Variants in SLC8A3 observed in about 807,000 individuals in gnomAD.
SLC8A3 encodes the protein sodium/calcium exchanger 3.
Under a neutral mutation model 65.4 loss-of-function variants are expected in SLC8A3, and 37 were observed. The ratio of observed to expected loss-of-function variants is 0.57; its 90% CI spans 0.44 to 0.74. SLC8A3 has a LOEUF of 0.74. SLC8A3 is among the 30% of genes least tolerant of loss of function. The pLI, the probability that SLC8A3 is intolerant of heterozygous loss-of-function variation, is 0.00. For missense variants in SLC8A3, 1,112 were observed against 1,172.1 expected (o/e 0.95, Z 0.75); for synonymous variants, 461 against 444.5 (o/e 1.04, Z -0.47).
chr14:70,095,114 G>A (rs763838821), intron 2 of SLC8A3, among the ~76,000 whole-genome samples: 7 of 152,218 alleles, frequency 4.6e-5, no homozygotes, highest in Non-Finnish European at 1.0e-4. Flanking sequence ...GGCTTGTCAC[G>A]TGGTAGAAAG....
At chr14:70,132,398 G>C (rs1894898868) in intron 2 of SLC8A3, among the ~76,000 whole-genome samples, 1 of 152,174 alleles carries the variant, frequency 6.6e-6, no homozygotes, top group Non-Finnish European at 1.5e-5. Flanking sequence ...AAAAGTTGTG[G>C]AAGAGCCAAT....
chr14:70,110,439 G>C (rs961915305), intron 2 of SLC8A3, among the ~76,000 whole-genome samples: 1 of 148,516 alleles, frequency 6.7e-6, no homozygotes, highest in Admixed American at 6.9e-5. Context: ...AAGAACATAA[G>C]ATGTTTTTCT....
At chr14:70,155,978 T>G (rs1191868163) in intron 2 of SLC8A3, among the ~76,000 whole-genome samples, 1 of 152,226 alleles carries the variant, frequency 6.6e-6, no homozygotes, top group Non-Finnish European at 1.5e-5. Context: ...TTACATTAAC[T>G]CATCATAATA....
intron 2 of SLC8A3, among the ~76,000 whole-genome samples, chr14:70,117,999 C>G (rs1377206400): frequency 6.6e-6 from 1 of 152,214 alleles, no homozygotes; most frequent in Non-Finnish European, 1.5e-5. Context: ...TGGTGCTTCC[C>G]CATTGGCCTG....
At chr14:70,094,649 T>G (rs192795805) in intron 2 of SLC8A3, among the ~76,000 whole-genome samples, 2 of 151,532 alleles carry the variant, frequency 1.3e-5, no homozygotes, top group Non-Finnish European at 2.9e-5. Flanking sequence ...GAGGGAGGAG[T>G]GGGGTTCAGT....
At position 70,168,228 on chromosome 14, in the gene SLC8A3, C is replaced by T. The variant is rs747173075; in HGVS notation, c.195G>A (p.Pro65=). Residue 65 remains proline, a synonymous_variant, in exon 2 of 7, where the codon CCG becomes CCA. Transcript: ENST00000356921. ...KEGVILPIWY[P]ENPSLGDKIA... is the part of the protein sequence containing the mutation. ...TCTTGTCCCCAAGGGAAGGGTTCTCCGGGTACCAGATTGGCAGGATGACAC... is the reference window on the plus strand; with the variant it reads ...TCTTGTCCCCAAGGGAAGGGTTCTCTGGGTACCAGATTGGCAGGATGACAC... The T allele has an allele frequency of 3.0e-5, 48 of 1,614,012 alleles. 1 individual carries two copies. The highest frequency in any genetic ancestry group is 4.4e-5 in the South Asian group (4 of 91,082).
At chr14:70,081,025 C>A (rs1891010439) in intron 2 of SLC8A3, among the ~76,000 whole-genome samples, 1 of 152,116 alleles carries the variant, frequency 6.6e-6, no homozygotes, top group Non-Finnish European at 1.5e-5. Context: ...TCCAGTATAC[C>A]AATGGTTACC....
chr14:70,102,239 C>T (rs1020658265), intron 2 of SLC8A3, among the ~76,000 whole-genome samples: 1 of 152,142 alleles, frequency 6.6e-6, no homozygotes, highest in Admixed American at 6.5e-5. Context: ...AAGGAGCATA[C>T]AATAGAGCAA....
In SLC8A3 at chr14:70,157,166, C is replaced by T. The variant is rs188623208; in HGVS notation, c.1784+9473G>A. 2.0e-5 allele frequency among the ~76,000 whole-genome samples: 3 copies of T among 152,316 alleles called. No homozygotes were observed. In the East Asian group the frequency reaches 5.8e-4, roughly 29 times the overall value. ...CATTCTCCAGCCTACCGCCCCAGTACAGGCCACTACAAAATCAGTGCTCTC... is the reference window on the plus strand; with the variant it reads ...CATTCTCCAGCCTACCGCCCCAGTATAGGCCACTACAAAATCAGTGCTCTC... On this transcript the variant is annotated intron_variant, in intron 2 of 6. Transcript: ENST00000356921.
intron 2 of SLC8A3, among the ~76,000 whole-genome samples, chr14:70,085,289 A>G (rs4899326): frequency 0.92 from 139,482 of 152,206 alleles, 63,983 homozygotes; most frequent in East Asian, 1. Flanking sequence ...ACACAAAATT[A>G]TATAGGAATA....
At chr14:70,149,854 G>A (rs1175794331) in intron 2 of SLC8A3, among the ~76,000 whole-genome samples, 1 of 152,100 alleles carries the variant, frequency 6.6e-6, no homozygotes, top group Admixed American at 6.5e-5. Context: ...ACATCGGGAT[G>A]CAGAGGAGTC....
At chr14:70,083,638 T>C (rs1410387276) in intron 2 of SLC8A3, among the ~76,000 whole-genome samples, 1 of 152,216 alleles carries the variant, frequency 6.6e-6, no homozygotes, top group East Asian at 1.9e-4. Context: ...GGCACTTCTG[T>C]TTACAGTTAT....
intron 2 of SLC8A3, among the ~76,000 whole-genome samples, chr14:70,138,558 AT>A (rs1895370881): frequency 6.6e-6 from 1 of 152,144 alleles, no homozygotes; most frequent in African/African-American, 2.4e-5. Context: ...TTCTCCCACC[AT>A]TGCATCAACT....
intron 1 of SLC8A3, among the ~76,000 whole-genome samples, chr14:70,172,009 C>G (rs1897574250): frequency 6.6e-6 from 1 of 152,036 alleles, no homozygotes; most frequent in Non-Finnish European, 1.5e-5. Context: ...TGCAATTGCC[C>G]CGGCCCAGAC....
chr14:70,167,823 T>C lies in SLC8A3; in HGVS notation c.600A>G (p.Leu200=), dbSNP rs566195088. The C allele has an allele frequency of 2.5e-6, 4 of 1,614,000 alleles. No homozygotes were observed. The highest frequency in any genetic ancestry group is 1.3e-5 in the African/African-American group (1 of 75,018). Residue 200 remains leucine, a synonymous_variant, in exon 2 of 7, where the codon CTA becomes CTG. Coordinates refer to ENST00000356921, the MANE Select transcript of SLC8A3 (RefSeq NM_182932.3). ...AAGCAGCGGTGATGAAGAAGACTCG[T>C]AGATGCTTGATCTTGCGAGTCTCTC... ...PDGETRKIKH[L]RVFFITAAWS...
At chr14:70,113,830 T>C (rs1187942157) in intron 2 of SLC8A3, among the ~76,000 whole-genome samples, 1 of 152,214 alleles carries the variant, frequency 6.6e-6, no homozygotes, top group Non-Finnish European at 1.5e-5. Flanking sequence ...TTAGGTCACA[T>C]GCTTATCTTG....
intron 1 of SLC8A3, among the ~76,000 whole-genome samples, chr14:70,172,694 AAG>A (rs1897625282): frequency 6.6e-6 from 1 of 152,016 alleles, no homozygotes; most frequent in African/African-American, 2.4e-5. Flanking sequence ...AAAAAAAAAA[AAG>A]AGAGACACCG....
At position 70,049,062 on chromosome 14, in the gene SLC8A3, G is replaced by T; in HGVS notation, c.2114-20C>A. ...CCCCTGCTGAAGGCAAGATAAACAGGCAAGAGAACGGGTAACGAAGTCAGA... is the reference window on the plus strand; with the variant it reads ...CCCCTGCTGAAGGCAAGATAAACAGTCAAGAGAACGGGTAACGAAGTCAGA... On this transcript the variant is annotated intron_variant, in intron 5 of 6. Transcript: ENST00000356921. 1 of 1,587,338 alleles carries T rather than the reference G, an allele frequency of 6.3e-7. No individual in the cohort carries two copies. Among genetic ancestry groups the T allele is most frequent in the South Asian group, 1.2e-5 (1 of 86,894 alleles).
At chr14:70,170,086 C>T (rs1291908759) in intron 1 of SLC8A3, among the ~76,000 whole-genome samples, 3 of 152,118 alleles carry the variant, frequency 2.0e-5, no homozygotes. Context: ...CTCATATAGC[C>T]ACCGTAATCT....
Sources: allele counts gnomAD v4.1 joint callset (sites outside exome capture counted in the v4.1 genomes callset), GRCh38; gene constraint gnomAD v4.1.1; transcripts MANE v1.5; gene names NCBI Gene and HGNC (gene_info 2026-07-23, HGNC 2026-07-21).